The following APOBEC1 variants were observed in gnomAD, a reference collection of about 807,000 sequenced individuals.
The protein encoded by APOBEC1 is apolipoprotein B mRNA editing enzyme catalytic subunit 1, also known as C->U-editing enzyme APOBEC-1.
A neutral mutation model predicts 26.3 loss-of-function variants in APOBEC1; 22 were observed. The ratio of observed to expected loss-of-function variants is 0.84; its 90% CI spans 0.60 to 1.19. APOBEC1 has a LOEUF of 1.19. Ranked by LOEUF, APOBEC1 falls within the 50% of genes most tolerant of loss-of-function variation. The pLI, the probability that APOBEC1 is intolerant of heterozygous loss-of-function variation, is 0.00. For missense variants in APOBEC1, 253 were observed against 289.0 expected (o/e 0.88, Z 0.90); for synonymous variants, 77 against 95.3 (o/e 0.81, Z 1.12).
rs1251860924 is a variant in APOBEC1 at position 7,660,032 on chromosome 12, G to A, written c.17-5400C>T. Among the ~76,000 whole-genome samples the A allele has an allele frequency of 5.3e-5, 8 of 151,642 alleles. No individual in the cohort carries two copies. In the East Asian group the frequency reaches 1.2e-3, roughly 22 times the overall value. ...TAAAGAAAGGGTATTTGGGCCGGGT[G>A]CGGTGGCTCACGCCTGTAATCCCAA... On this transcript the variant is annotated intron_variant, in intron 1 of 4. Coordinates refer to ENST00000229304, the MANE Select transcript of APOBEC1 (RefSeq NM_001644.5).
intron 2 of APOBEC1, 119 bp from the exon 3 acceptor site, chr12:7,652,954 G>A (rs1233417484): frequency 3.3e-6 from 3 of 898,524 alleles, no homozygotes; most frequent in Non-Finnish European, 4.4e-6. Context: ...TTTTAAGATG[G>A]AGTCTCACAC....
chr12:7,654,395 AG>A (rs1413904824), intron 2 of APOBEC1, among the ~76,000 whole-genome samples: 2 of 143,906 alleles, frequency 1.4e-5, no homozygotes, highest in Non-Finnish European at 3.0e-5. Flanking sequence ...TTTTTGAGAC[AG>A]GGTCTCAGTC....
intron 1 of APOBEC1, among the ~76,000 whole-genome samples, chr12:7,659,685 A>T (rs1045348905): frequency 6.6e-6 from 1 of 152,158 alleles, no homozygotes; most frequent in African/African-American, 2.4e-5. Flanking sequence ...AAATGCAACT[A>T]CTGGCCAGGC....
At chr12:7,662,122 G>A (rs776864675) in intron 1 of APOBEC1, among the ~76,000 whole-genome samples, 14 of 152,146 alleles carry the variant, frequency 9.2e-5, no homozygotes, top group Admixed American at 7.2e-4. Context: ...TAAATTAGCC[G>A]GGCATGGTGG....
At chr12:7,661,579 G>A (rs115847766) in intron 1 of APOBEC1, among the ~76,000 whole-genome samples, 1,617 of 152,118 alleles carry the variant, frequency 0.011, 35 homozygotes, top group African/African-American at 0.036. Context: ...CGAGAGGAAG[G>A]AGAAAAGATA....
At chr12:7,663,903 C>G (rs945299753) in intron 1 of APOBEC1, among the ~76,000 whole-genome samples, 1 of 151,910 alleles carries the variant, frequency 6.6e-6, no homozygotes, top group African/African-American at 2.4e-5. Flanking sequence ...GTTGCCCAGG[C>G]TGGAGTGCAA....
At position 7,651,239 on chromosome 12, in the gene APOBEC1, C is replaced by T. The variant is rs1269185874; in HGVS notation, c.443-98G>A. 4 of 823,064 alleles carry T rather than the reference C, an allele frequency of 4.9e-6. No individual in the cohort carries two copies. The African/African-American group carries it at 6.8e-5, about 14-fold the overall frequency. 51.0% of individuals were successfully genotyped at this position (823,064 alleles called of 1,614,324 possible). A position where few individuals can be genotyped will look rare whatever the true frequency, so the allele number is the denominator to read the frequency against. The stretch of plus-strand genomic sequence containing the variant: ...TTCCCGTATAGAAAGCCTGTAGTCT[C>T]TAGTCTAGTTGCTGCTGGACATTAG... On this transcript the variant is annotated intron_variant, in intron 3 of 4. Transcript: ENST00000229304.
Position 7,660,378 on chromosome 12 carries a change from A to AGGAAGGAAGGAAGGAC in APOBEC1, c.16+5478_16+5479insGTCCTTCCTTCCTTCC, listed in dbSNP as rs1257234032. Reference sequence around the variant, plus strand: ...AAGGAAGGAAGGAAGGAAGGAAGGAAAGAAAGAAAGAAAGAAAGAAAGAAA... The same window carrying AGGAAGGAAGGAAGGAC: ...AAGGAAGGAAGGAAGGAAGGAAGGAAGGAAGGAAGGAAGGACAGAAAGAAAGAAAGAAAGAAAGAAA... On this transcript the variant is annotated intron_variant, in intron 1 of 4. Transcript: ENST00000229304. 4.6e-3 allele frequency among the ~76,000 whole-genome samples: 462 copies of AGGAAGGAAGGAAGGAC among 100,662 alleles called. 22 individuals are homozygous for AGGAAGGAAGGAAGGAC. The highest frequency in any genetic ancestry group is 0.01 in the East Asian group (39 of 3,880). The allele number at this position is 100,662 out of a possible 152,430, so 66.0% of individuals were successfully genotyped here. A position where few individuals can be genotyped will look rare whatever the true frequency, so the allele number is the denominator to read the frequency against.
At chr12:7,651,890 G>A (rs1419978008) in intron 3 of APOBEC1, among the ~76,000 whole-genome samples, 3 of 151,292 alleles carry the variant, frequency 2.0e-5, no homozygotes, top group Non-Finnish European at 4.4e-5. Flanking sequence ...GCGCGATCTC[G>A]GCTCACTGCA....
intron 1 of APOBEC1, among the ~76,000 whole-genome samples, chr12:7,657,962 C>A (rs12314594): frequency 0.053 from 8,094 of 152,212 alleles, 223 homozygotes; most frequent in African/African-American, 0.077. Flanking sequence ...GAATTGAAGT[C>A]TATGACAAAA....
At chr12:7,653,299 T>TATA (rs1319402649) in intron 2 of APOBEC1, among the ~76,000 whole-genome samples, 3 of 152,164 alleles carry the variant, frequency 2.0e-5, no homozygotes, top group African/African-American at 7.2e-5. Context: ...CTAGTATATG[T>TATA]CTCAAAGTTA....
intron 1 of APOBEC1, among the ~76,000 whole-genome samples, chr12:7,660,370 AGG>A (rs1491323587): frequency 8.3e-4 from 84 of 101,284 alleles, no homozygotes; most frequent in East Asian, 3.5e-3. Context: ...GAAGGAAGGA[AGG>A]AAGGAAAGAA....
At chr12:7,654,506 T>C in intron 2 of APOBEC1, 99 bp downstream of exon 2, 3 of 1,252,454 alleles carry the variant, frequency 2.4e-6, no homozygotes, top group Non-Finnish European at 3.5e-6. Flanking sequence ...GCCTCCTGAG[T>C]AGCTGGGATT....
rs893745121 is a variant in APOBEC1 at position 7,652,826 on chromosome 12, G to A, written c.54C>T (p.Ile18=). The A allele has an allele frequency of 3.2e-6, 5 of 1,579,130 alleles. No individual in the cohort carries two copies. Among genetic ancestry groups the A allele is most frequent in the African/African-American group, 1.4e-5 (1 of 73,324 alleles). ...STGDPTLRRR[I]EPWEFDVFYD... is the part of the protein sequence containing the mutation. ...AGAAGACGTCAAACTCCCAGGGTTC[G>A]ATTCTTCTCCTGAAATACAAAAAGC... The change falls in exon 3 of 5, where the codon ATC becomes ATT. Residue 18 remains isoleucine (I), a synonymous_variant. Transcript: ENST00000229304.
chr12:7,654,771 G>C, intron 1 of APOBEC1, 139 bp from the exon 2 acceptor site: 1 of 850,258 alleles, frequency 1.2e-6, no homozygotes, highest in Non-Finnish European at 1.9e-6. Flanking sequence ...TAATTGTATT[G>C]GACCAGCTCA....
chr12:7,664,578 G>A (rs755150250), intron 1 of APOBEC1, among the ~76,000 whole-genome samples: 36 of 152,252 alleles, frequency 2.4e-4, no homozygotes, highest in African/African-American at 8.2e-4. Flanking sequence ...TTCATCAATA[G>A]GATTCAATCA....
chr12:7,667,361 CCT>C (rs1430612124), upstream of APOBEC1, among the ~76,000 whole-genome samples: 1 of 152,136 alleles, frequency 6.6e-6, no homozygotes, highest in East Asian at 1.9e-4. Context: ...TTTTTCAAGG[CCT>C]AAGTCTCCCT....
At chr12:7,651,638 GTTTGTT>G (rs1251251410) in intron 3 of APOBEC1, among the ~76,000 whole-genome samples, 2 of 148,240 alleles carry the variant, frequency 1.3e-5, no homozygotes, top group Admixed American at 6.8e-5. Context: ...AAGAGTTGTT[GTTTGTT>G]TTTGTTTTTG....
At chr12:7,662,074 G>A (rs144536454) in intron 1 of APOBEC1, among the ~76,000 whole-genome samples, 1,613 of 118,936 alleles carry the variant, frequency 0.014, 34 homozygotes, top group African/African-American at 0.043. Flanking sequence ...GCAAGACCCC[G>A]TCTCTAAAAA....
Sources: allele counts gnomAD v4.1 joint callset (sites outside exome capture counted in the v4.1 genomes callset), GRCh38; gene constraint gnomAD v4.1.1; transcripts MANE v1.5; gene names NCBI Gene and HGNC (gene_info 2026-07-23, HGNC 2026-07-21).